FAM227B: variants seen among roughly 807,000 people sequenced by gnomAD.
The protein encoded by FAM227B is protein FAM227B.
Under a neutral mutation model 73.8 loss-of-function variants are expected in FAM227B, and 88 were observed. That is an observed-to-expected ratio of 1.19 (90% confidence interval 1.00 to 1.42). The LOEUF (loss-of-function observed/expected upper bound fraction) is 1.42. FAM227B is among the 40% of genes most tolerant of loss of function. The pLI, the probability that FAM227B is intolerant of heterozygous loss-of-function variation, is 0.00. For missense variants in FAM227B, 632 were observed against 590.9 expected, an observed-to-expected ratio of 1.07 and a Z score of -0.72; for synonymous variants, 210 against 190.5, an observed-to-expected ratio of 1.10 and a Z score of -0.84.
intron 11 of FAM227B, among the ~76,000 whole-genome samples, chr15:49,503,216 A>G (rs1196307917): frequency 6.6e-6 from 1 of 152,214 alleles, no homozygotes; most frequent in African/African-American, 2.4e-5. Context: ...AAAACTGGCT[A>G]GCCATATGTA....
intron 13 of FAM227B, among the ~76,000 whole-genome samples, chr15:49,337,166 G>A (rs1380810944): frequency 6.6e-6 from 1 of 152,174 alleles, no homozygotes; most frequent in African/African-American, 2.4e-5. Flanking sequence ...GAGTACATAT[G>A]TCTTTTTGGT....
chr15:49,507,130 AGGAT>A (rs1473450221), intron 11 of FAM227B, among the ~76,000 whole-genome samples: 6 of 149,826 alleles, frequency 4.0e-5, no homozygotes, highest in Non-Finnish European at 6.0e-5. Flanking sequence ...TAAAACACTG[AGGAT>A]GACAGCAAAC....
intron 3 of FAM227B, among the ~76,000 whole-genome samples, chr15:49,608,089 G>C (rs1032151580): frequency 6.6e-6 from 1 of 152,128 alleles, no homozygotes; most frequent in Non-Finnish European, 1.5e-5. Context: ...TGAGCATCCA[G>C]AGTCTATGGT....
intron 4 of FAM227B, among the ~76,000 whole-genome samples, chr15:49,588,825 A>G (rs1260995829): frequency 6.6e-6 from 1 of 151,096 alleles, no homozygotes; most frequent in East Asian, 1.9e-4. Context: ...TTAAAAATTT[A>G]CAGTTTAAAT....
intron 13 of FAM227B, among the ~76,000 whole-genome samples, chr15:49,344,693 C>A (rs1471632719): frequency 6.6e-6 from 1 of 152,170 alleles, no homozygotes; most frequent in Non-Finnish European, 1.5e-5. Context: ...AAGAAGTCTG[C>A]AATCTCAGTT....
chr15:49,520,423 T>C (rs2059698276), intron 10 of FAM227B, among the ~76,000 whole-genome samples: 1 of 152,228 alleles, frequency 6.6e-6, no homozygotes, highest in Non-Finnish European at 1.5e-5. Flanking sequence ...TTCCACATTT[T>C]TGCGTATCTT....
chr15:49,523,657 C>A (rs1291947223), intron 10 of FAM227B, among the ~76,000 whole-genome samples: 1 of 149,664 alleles, frequency 6.7e-6, no homozygotes, highest in African/African-American at 2.4e-5. Flanking sequence ...GAGGTTGGAA[C>A]AATTTGGAGG....
intron 8 of FAM227B, among the ~76,000 whole-genome samples, chr15:49,569,260 A>AG (rs1555546748): frequency 2.0e-5 from 3 of 151,654 alleles, no homozygotes; most frequent in Non-Finnish European, 3.0e-5. Flanking sequence ...AGTCTTCCCT[A>AG]TTTTTTAATA....
At chr15:49,351,060 T>G (rs1431473077) in intron 13 of FAM227B, among the ~76,000 whole-genome samples, 1 of 152,192 alleles carries the variant, frequency 6.6e-6, no homozygotes, top group East Asian at 1.9e-4. Context: ...TGGTTTGAGC[T>G]CTACAATCAA....
At chr15:49,512,913 C>T (rs1236892787) in intron 10 of FAM227B, among the ~76,000 whole-genome samples, 3 of 152,126 alleles carry the variant, frequency 2.0e-5, no homozygotes. Context: ...CATCCATGTC[C>T]CTGCAGAGGG....
intron 13 of FAM227B, among the ~76,000 whole-genome samples, chr15:49,354,917 A>T (rs1041807048): frequency 2.6e-5 from 4 of 152,042 alleles, no homozygotes; most frequent in Admixed American, 1.3e-4. Flanking sequence ...TGCCTCCTCA[A>T]GTGGGTCCCT....
intron 10 of FAM227B, among the ~76,000 whole-genome samples, chr15:49,530,215 T>C (rs1280920387): frequency 2.6e-5 from 4 of 151,756 alleles, no homozygotes. Context: ...GCAATATCAA[T>C]TATCCAGGAG....
chr15:49,584,309 C>T (rs2076008191), intron 5 of FAM227B, among the ~76,000 whole-genome samples: 1 of 152,168 alleles, frequency 6.6e-6, no homozygotes, highest in African/African-American at 2.4e-5. Flanking sequence ...CATTAAAATT[C>T]AACATCCTTT....
chr15:49,442,703 C>T (rs1255337130), intron 11 of FAM227B, among the ~76,000 whole-genome samples: 1 of 151,688 alleles, frequency 6.6e-6, no homozygotes, highest in Non-Finnish European at 1.5e-5. Flanking sequence ...AGGAAATCTA[C>T]TAGCATGGTT....
intron 11 of FAM227B, among the ~76,000 whole-genome samples, chr15:49,506,568 G>A (rs867846456): frequency 6.6e-6 from 1 of 151,692 alleles, no homozygotes; most frequent in Non-Finnish European, 1.5e-5. Flanking sequence ...GTCTCAACAC[G>A]TTGCAAAAGA....
chr15:49,521,717 T>A (rs2059800656), intron 10 of FAM227B, among the ~76,000 whole-genome samples: 1 of 152,146 alleles, frequency 6.6e-6, no homozygotes, highest in Non-Finnish European at 1.5e-5. Context: ...GATGGGTGTT[T>A]TCCATGGACC....
chr15:49,391,050 C>T (rs2047182430), intron 11 of FAM227B, among the ~76,000 whole-genome samples: 1 of 151,958 alleles, frequency 6.6e-6, no homozygotes, highest in Admixed American at 6.6e-5. Flanking sequence ...TGGGTCTCAA[C>T]TTTTTCATTT....
Position 49,337,508 on chromosome 15 carries a change from C to CTTTT in FAM227B, c.1272-2016_1272-2013dup, listed in dbSNP as rs33973907. On this transcript the variant is annotated intron_variant, in intron 13 of 15. Coordinates refer to ENST00000299338, the MANE Select transcript of FAM227B (RefSeq NM_152647.3). ...AATGTCTGTTCATATCATTTACCCA[C>CTTTT]TTTTTTTTTTTTTTTTTTTTTTTTT... Among the ~76,000 whole-genome samples, 283 of 36,046 alleles carry CTTTT rather than the reference C, an allele frequency of 7.9e-3. 32 individuals are homozygous for CTTTT. The highest frequency in any genetic ancestry group is 0.027 in the African/African-American group (218 of 8,118). 23.6% of individuals were successfully genotyped at this position (36,046 alleles called of 152,430 possible).
intron 3 of FAM227B, among the ~76,000 whole-genome samples, chr15:49,592,521 G>A (rs553045528): frequency 6.6e-6 from 1 of 152,336 alleles, no homozygotes; most frequent in African/African-American, 2.4e-5. Flanking sequence ...AAATATTGAA[G>A]AACAGAAAAT....
Sources: gnomAD v4.1 joint callset for allele counts (sites outside exome capture counted in the v4.1 genomes callset) on GRCh38, gnomAD v4.1.1 for gene constraint, MANE v1.5 for transcripts, NCBI Gene and HGNC (gene_info 2026-07-23, HGNC 2026-07-21) for gene names.